Variants in USH2A observed in about 807,000 individuals in gnomAD.
The protein encoded by USH2A is Usher syndrome 2A (autosomal recessive, mild).
Under a neutral mutation model 538.9 loss-of-function variants are expected in USH2A, and 443 were observed. The observed-to-expected ratio is 0.82, with a 90% CI of 0.76 to 0.89. The LOEUF is 0.89. USH2A is among the 40% of genes least tolerant of loss of function. The pLI is 0.00. For missense variants in USH2A, 6,633 were observed against 6,324.8 expected, an observed-to-expected ratio of 1.05 and a Z score of -1.65; for synonymous variants, 2,413 against 2,273.5, an observed-to-expected ratio of 1.06 and a Z score of -1.75.
At chr1:215,939,391 A>G (rs1666578746) in intron 37 of USH2A, among the ~76,000 whole-genome samples, 1 of 152,200 alleles carries the variant, frequency 6.6e-6, no homozygotes, top group Non-Finnish European at 1.5e-5. Context: ...TTCAAAGAAA[A>G]GTGTTACATG....
chr1:216,106,500 A>G (rs1222204476), intron 21 of USH2A, among the ~76,000 whole-genome samples: 1 of 151,202 alleles, frequency 6.6e-6, no homozygotes, highest in Non-Finnish European at 1.5e-5. Context: ...GTGGTAAATC[A>G]TATCGATAGA....
At chr1:216,146,210 T>TC (rs1275482818) in intron 21 of USH2A, among the ~76,000 whole-genome samples, 8 of 152,284 alleles carry the variant, frequency 5.3e-5, no homozygotes, top group Non-Finnish European at 1.2e-4. Flanking sequence ...GTAAGCGGCC[T>TC]TTTTTACTCT....
At chr1:216,356,228 G>C (rs2038389802) in intron 4 of USH2A, among the ~76,000 whole-genome samples, 1 of 152,016 alleles carries the variant, frequency 6.6e-6, no homozygotes, top group African/African-American at 2.4e-5. Context: ...CTGAATCCAT[G>C]TGACAAGTAC....
intron 38 of USH2A, among the ~76,000 whole-genome samples, chr1:215,913,807 C>T (rs1264021729): frequency 6.6e-6 from 1 of 151,806 alleles, no homozygotes; most frequent in Non-Finnish European, 1.5e-5. Flanking sequence ...TTTCTGGCTA[C>T]TTGATTCCAT....
intron 40 of USH2A, among the ~76,000 whole-genome samples, chr1:215,891,362 T>TA (rs1398878438): frequency 2.6e-5 from 4 of 152,214 alleles, no homozygotes; most frequent in African/African-American, 4.8e-5. Flanking sequence ...TGAAAGCAGC[T>TA]TAATTAGCTC....
chr1:215,641,492 A>G (rs1293896560), intron 67 of USH2A, among the ~76,000 whole-genome samples: 1 of 152,220 alleles, frequency 6.6e-6, no homozygotes, highest in Non-Finnish European at 1.5e-5. Context: ...CCTTACTAAA[A>G]CAAAAAGAAA....
chr1:216,122,657 G>A (rs1558269930), intron 21 of USH2A, among the ~76,000 whole-genome samples: 1 of 152,190 alleles, frequency 6.6e-6, no homozygotes, highest in Non-Finnish European at 1.5e-5. Context: ...TGAACAAAGT[G>A]TGTACAAAAT....
chr1:215,771,106 GAC>G (rs1661271441), intron 55 of USH2A, among the ~76,000 whole-genome samples: 1 of 150,666 alleles, frequency 6.6e-6, no homozygotes, highest in South Asian at 2.1e-4. Flanking sequence ...CAGCCTGGGT[GAC>G]ATAGTAGCTA....
chr1:215,643,892 G>T (rs1358908447), intron 67 of USH2A, among the ~76,000 whole-genome samples: 1 of 152,056 alleles, frequency 6.6e-6, no homozygotes, highest in Non-Finnish European at 1.5e-5. Flanking sequence ...AAAAAATTCT[G>T]GCAAAAGCTA....
intron 38 of USH2A, among the ~76,000 whole-genome samples, chr1:215,932,694 T>G (rs1666394873): frequency 6.6e-6 from 1 of 152,044 alleles, no homozygotes; most frequent in Non-Finnish European, 1.5e-5. Context: ...TCCCAAATTC[T>G]AGATTTCTGA....
At chr1:216,232,818 G>T (rs1032280824) in intron 13 of USH2A, among the ~76,000 whole-genome samples, 6 of 151,834 alleles carry the variant, frequency 4.0e-5, no homozygotes, top group Admixed American at 3.9e-4. Context: ...GCTACTGTAG[G>T]GGCTTTATCT....
At chr1:215,881,442 T>C (rs900906386) in intron 41 of USH2A, among the ~76,000 whole-genome samples, 1 of 152,186 alleles carries the variant, frequency 6.6e-6, no homozygotes, top group Non-Finnish European at 1.5e-5. Context: ...GCCCTGCCCA[T>C]GTCCAAGAAT....
intron 22 of USH2A, among the ~76,000 whole-genome samples, chr1:216,093,663 C>T (rs1229379710): frequency 6.6e-6 from 1 of 152,178 alleles, no homozygotes; most frequent in Non-Finnish European, 1.5e-5. Flanking sequence ...ATGCTTCAGA[C>T]TTGGGGAAAT....
At chr1:216,377,805 TA>T (rs1157586090) in intron 3 of USH2A, among the ~76,000 whole-genome samples, 13 of 9,050 alleles carry the variant, frequency 1.4e-3, no homozygotes, top group African/African-American at 3.3e-3. Flanking sequence ...AGGAAAGAAA[TA>T]AAAAGAAAGA....
Position 216,323,456 on chromosome 1 carries a change from C to A in USH2A, c.1550+18G>T. On this transcript the variant is annotated intron_variant, in intron 8 of 71. Transcript: ENST00000307340. The stretch of plus-strand genomic sequence containing the variant: ...AGTATGACAAAAACCTTGTTGAAAA[C>A]AAAATTCATAATAATACCTCCCACT... 6.2e-7 allele frequency: 1 copy of A among 1,612,640 alleles called. No individual in the cohort carries two copies. The highest frequency in any genetic ancestry group is 8.5e-7 in the Non-Finnish European group (1 of 1,179,260).
chr1:216,379,448 T>C (rs2038893054), intron 3 of USH2A, among the ~76,000 whole-genome samples: 1 of 151,590 alleles, frequency 6.6e-6, no homozygotes, highest in Non-Finnish European at 1.5e-5. Context: ...AATCTCTTTC[T>C]CCAGCAAAAA....
At chr1:215,897,904 G>A (rs1242948760) in intron 40 of USH2A, among the ~76,000 whole-genome samples, 1 of 152,182 alleles carries the variant, frequency 6.6e-6, no homozygotes, top group Non-Finnish European at 1.5e-5. Flanking sequence ...CTGTCAACAT[G>A]GGTGGTTTTA....
intron 37 of USH2A, among the ~76,000 whole-genome samples, chr1:215,955,067 T>C (rs1207486390): frequency 1.3e-5 from 2 of 152,188 alleles, no homozygotes; most frequent in African/African-American, 4.8e-5. Context: ...AAGCTTCTTA[T>C]TATGAAAATC....
intron 37 of USH2A, among the ~76,000 whole-genome samples, chr1:215,946,906 T>G (rs760067350): frequency 1.6e-4 from 24 of 152,128 alleles, no homozygotes; most frequent in Non-Finnish European, 2.5e-4. Flanking sequence ...AAATCTAAAT[T>G]GAAATATCCT....
Sources: gnomAD v4.1 joint callset for allele counts (sites outside exome capture counted in the v4.1 genomes callset) on GRCh38, gnomAD v4.1.1 for gene constraint, MANE v1.5 for transcripts, NCBI Gene and HGNC (gene_info 2026-07-23, HGNC 2026-07-21) for gene names.